GPR176: variants seen among roughly 807,000 people sequenced by gnomAD.
GPR176 encodes the protein G protein-coupled receptor 176.
In GPR176, 26 loss-of-function variants were observed where a neutral mutation model predicts 35.4. The observed-to-expected ratio is 0.74, with a 90% confidence interval of 0.54 to 1.02. GPR176 has a LOEUF of 1.02. Ranked by LOEUF, GPR176 falls within the 50% of genes least tolerant of loss-of-function variation. The probability of loss-of-function intolerance (pLI) is 0.00; values close to 1 mark genes in which losing one functional copy is unlikely to be tolerated. For missense variants in GPR176, 597 were observed against 665.3 expected (o/e 0.90, Z 1.13); for synonymous variants, 278 against 271.3 (o/e 1.02, Z -0.24).
chr15:39,836,528 A>C (rs1318646770), intron 1 of GPR176, among the ~76,000 whole-genome samples: 2 of 152,156 alleles, frequency 1.3e-5, no homozygotes, highest in Non-Finnish European at 2.9e-5. Context: ...CCATGAGCCA[A>C]ATAATCTCTT....
chr15:39,897,855 G>T (rs1048085187), intron 1 of GPR176, among the ~76,000 whole-genome samples: 2 of 152,094 alleles, frequency 1.3e-5, no homozygotes, highest in African/African-American at 2.4e-5. Context: ...ATCCATCAAG[G>T]CCTCAGTGTC....
intron 1 of GPR176, among the ~76,000 whole-genome samples, chr15:39,915,001 G>T (rs544570154): frequency 6.6e-6 from 1 of 152,146 alleles, no homozygotes; most frequent in Admixed American, 6.6e-5. Flanking sequence ...TTAACAAGTC[G>T]ATTTCCCACC....
At chr15:39,914,517 G>A (rs960318032) in intron 1 of GPR176, among the ~76,000 whole-genome samples, 12 of 152,014 alleles carry the variant, frequency 7.9e-5, no homozygotes, top group African/African-American at 2.9e-4. Flanking sequence ...GTTTCACCAT[G>A]TTGGCCAGGC....
intron 1 of GPR176, among the ~76,000 whole-genome samples, chr15:39,899,141 G>A (rs1014689705): frequency 2.0e-5 from 3 of 152,122 alleles, no homozygotes; most frequent in Non-Finnish European, 4.4e-5. Context: ...GGACTCCATC[G>A]TAGACCTCCT....
At chr15:39,916,657 G>GA (rs1045040735) in intron 1 of GPR176, among the ~76,000 whole-genome samples, 1 of 152,050 alleles carries the variant, frequency 6.6e-6, no homozygotes, top group Non-Finnish European at 1.5e-5. Flanking sequence ...TGTTTCAAGA[G>GA]AAAAAAATAA....
At chr15:39,812,202 T>C (rs1000607395) in intron 1 of GPR176, among the ~76,000 whole-genome samples, 1 of 152,206 alleles carries the variant, frequency 6.6e-6, no homozygotes, top group East Asian at 1.9e-4. Context: ...GATTGAAGGA[T>C]GCAAAGTGTT....
At chr15:39,850,895 C>T (rs963820456) in intron 1 of GPR176, among the ~76,000 whole-genome samples, 11 of 151,498 alleles carry the variant, frequency 7.3e-5, no homozygotes, top group African/African-American at 2.7e-4. Context: ...AAAAGAAAGA[C>T]CTATTAGGAA....
chr15:39,801,808 AC>A lies in GPR176; in HGVS notation c.871del (p.Val291CysfsTer33). 6.2e-7 allele frequency: 1 copy of A among 1,613,856 alleles called. No individual in the cohort carries two copies. Among genetic ancestry groups the A allele is most frequent in the Non-Finnish European group, 8.5e-7 (1 of 1,179,748 alleles). On this transcript the variant is annotated frameshift_variant, in exon 3 of 3. Coordinates refer to ENST00000561100, the MANE Select transcript of GPR176 (RefSeq NM_007223.3). LOFTEE classifies it high-confidence loss of function. ...PYATLVVYQT[V>X]LNVPDTSVFL... is the part of the protein sequence containing the mutation. ...GACGGAAGTGTCAGGGACATTGAGCACAGTCTGGTAGACGACCAGGGTGGCA... is the reference window on the plus strand; with the variant it reads ...GACGGAAGTGTCAGGGACATTGAGCAAGTCTGGTAGACGACCAGGGTGGCA...
chr15:39,919,280 GGTTTT>G (rs2033809214), intron 1 of GPR176, among the ~76,000 whole-genome samples: 1 of 151,874 alleles, frequency 6.6e-6, no homozygotes, highest in African/African-American at 2.4e-5. Context: ...GAGTGGGTTT[GGTTTT>G]GTTTTTTTTA....
rs564099045 is a variant in GPR176 at position 39,830,827 on chromosome 15, G to A, written c.173-23569C>T. Among the ~76,000 whole-genome samples, 4 of 152,220 alleles carry A rather than the reference G, an allele frequency of 2.6e-5. No homozygotes were observed. The South Asian group carries it at 8.3e-4, about 32-fold the overall frequency. On this transcript the variant is annotated intron_variant, in intron 1 of 2. Transcript: ENST00000561100. ...TTTAAGAAATGTTAGAATATGAAAG[G>A]ATGAAGGAAATAAGTCAATAACAAC...
At chr15:39,843,470 T>C (rs886735494) in intron 1 of GPR176, among the ~76,000 whole-genome samples, 1 of 152,000 alleles carries the variant, frequency 6.6e-6, no homozygotes, top group Non-Finnish European at 1.5e-5. Flanking sequence ...GAGGCCCAGA[T>C]CAGTCCCAGT....
intron 1 of GPR176, among the ~76,000 whole-genome samples, chr15:39,836,122 T>C (rs1462076206): frequency 1.3e-5 from 2 of 152,002 alleles, no homozygotes; most frequent in African/African-American, 4.8e-5. Flanking sequence ...TATAAGTAAA[T>C]ATAAAAAGAG....
chr15:39,902,950 A>G (rs2033320258), intron 1 of GPR176, among the ~76,000 whole-genome samples: 1 of 152,240 alleles, frequency 6.6e-6, no homozygotes, highest in South Asian at 2.1e-4. Context: ...GATGGTCCCA[A>G]CCTATGAGAG....
rs1429582060 is a variant in GPR176, at chr15:39,801,227, C to A, written c.1453G>T (p.Glu485Ter). ...LLPPLGNTPE[E>*]LIQTKVPKVG... ...TTGGGCACCTTTGTCTGGATCAGCT[C>A]TTCTGGGGTGTTGCCCAAGGGGGGA... Residue 485 changes from glutamate to a stop codon, truncating the protein, a stop_gained, in exon 3 of 3, where the codon GAG (glutamate) becomes TAG (stop). Transcript: ENST00000561100. LOFTEE classifies it high-confidence loss of function. The A allele has an allele frequency of 1.2e-6, 2 of 1,614,032 alleles. No homozygotes were observed. The highest frequency in any genetic ancestry group is 2.7e-5 in the African/African-American group (2 of 74,956).
At chr15:39,803,989 AT>A (rs60106426) in intron 2 of GPR176, among the ~76,000 whole-genome samples, 6,803 of 151,738 alleles carry the variant, frequency 0.045, 383 homozygotes, top group African/African-American at 0.13. Flanking sequence ...ATGCTTTCAC[AT>A]TTTTTTTTCT....
At chr15:39,822,799 T>C (rs1327943918) in intron 1 of GPR176, among the ~76,000 whole-genome samples, 1 of 152,226 alleles carries the variant, frequency 6.6e-6, no homozygotes, top group Non-Finnish European at 1.5e-5. Context: ...TCAGAAAATG[T>C]AGCTCCTTGA....
At chr15:39,877,566 T>G (rs1446746196) in intron 1 of GPR176, among the ~76,000 whole-genome samples, 2 of 109,646 alleles carry the variant, frequency 1.8e-5, no homozygotes, top group African/African-American at 3.4e-5. Context: ...TTTTTTTTTT[T>G]GTTTGTTTGT....
At chr15:39,896,860 A>G (rs1440358315) in intron 1 of GPR176, among the ~76,000 whole-genome samples, 1 of 152,236 alleles carries the variant, frequency 6.6e-6, no homozygotes, top group Non-Finnish European at 1.5e-5. Flanking sequence ...ACATGGGAAG[A>G]TCCTGTCTCT....
chr15:39,812,630 G>A (rs1288453775), intron 1 of GPR176, among the ~76,000 whole-genome samples: 1 of 152,090 alleles, frequency 6.6e-6, no homozygotes, highest in African/African-American at 2.4e-5. Context: ...GTGATCGTGT[G>A]AGTCAATTCT....
Sources: gnomAD v4.1 joint callset for allele counts (sites outside exome capture counted in the v4.1 genomes callset) on GRCh38, gnomAD v4.1.1 for gene constraint, MANE v1.5 for transcripts, NCBI Gene and HGNC (gene_info 2026-07-23, HGNC 2026-07-21) for gene names.